The following IPO4 variants were observed in gnomAD, a reference collection of about 807,000 sequenced individuals.
The protein encoded by IPO4 is importin-4.
IPO4 carries 91 observed loss-of-function variants against 133.5 expected under a neutral mutation model. That is an observed-to-expected ratio of 0.68 (90% confidence interval 0.58 to 0.81). The LOEUF (loss-of-function observed/expected upper bound fraction) is 0.81, where lower values mean the gene tolerates loss of function less well. Ranked by LOEUF, IPO4 falls within the 30% of genes least tolerant of loss-of-function variation. The pLI is 0.00. For missense variants in IPO4, 1,279 were observed against 1,386.2 expected (o/e 0.92, Z 1.23); for synonymous variants, 607 against 581.6 (o/e 1.04, Z -0.63).
chr14:24,180,747 C>G lies in IPO4; in HGVS notation c.3057G>C (p.Val1019=), dbSNP rs1256478463. 1.2e-5 allele frequency: 19 copies of G among 1,613,818 alleles called. No individual in the cohort carries two copies. In the Admixed American group the frequency reaches 3.2e-4, roughly 27 times the overall value. Residue 1019 remains valine (V), a synonymous_variant, in exon 29 of 30, where the codon GTG becomes GTC. Coordinates refer to ENST00000354464, the MANE Select transcript of IPO4 (RefSeq NM_024658.4). ...TGCAGATACGCAGAAGCTCGGGAGC[C>G]ACATCTATAACCTGTGAGGAAAGAG... The part of the protein sequence containing the change: ...YQSSPDQVID[V]APELLRICSL...
intron 16 of IPO4, 45 bp from the exon 17 acceptor site, chr14:24,184,463 C>T (rs2039188921): frequency 6.3e-7 from 1 of 1,583,984 alleles, no homozygotes; most frequent in South Asian, 1.1e-5. Context: ...TGGAGGTGGG[C>T]TACGGGACCA....
At chr14:24,187,059 C>T in intron 7 of IPO4, 26 bp downstream of exon 7, 1 of 1,613,374 alleles carries the variant, frequency 6.2e-7, no homozygotes, top group Non-Finnish European at 8.5e-7. Flanking sequence ...CTCCTTCCAA[C>T]AGAGCTCCTG....
chr14:24,186,479 C>T (rs375575506), intron 9 of IPO4, 28 bp from the exon 10 acceptor site: 5 of 1,542,368 alleles, frequency 3.2e-6, no homozygotes, highest in Middle Eastern at 1.7e-4. Context: ...AACAGTGTCC[C>T]TAAGAATCTG....
chr14:24,188,020 C>T (rs2295977), intron 4 of IPO4, 196 bp downstream of exon 4: 239,351 of 767,480 alleles, frequency 0.31, 38,835 homozygotes, highest in East Asian at 0.46. Context: ...CAGTCTTATT[C>T]TTCTGACTTG....
chr14:24,182,539 TGTTTC>T, intron 24 of IPO4, 136 bp from the exon 25 acceptor site: 1 of 1,281,614 alleles, frequency 7.8e-7, no homozygotes, highest in Non-Finnish European at 1.1e-6. Context: ...TCAAGCTGGG[TGTTTC>T]CATGACCCAG....
chr14:24,185,849 G>A lies in IPO4; in HGVS notation c.1169+12C>T, dbSNP rs766866415. 24 of 1,602,508 alleles carry A rather than the reference G, an allele frequency of 1.5e-5. 1 individual carries two copies. In the South Asian group the frequency reaches 2.3e-4, roughly 15 times the overall value. On this transcript the variant is annotated intron_variant, in intron 12 of 29. Coordinates refer to ENST00000354464, the MANE Select transcript of IPO4 (RefSeq NM_024658.4). Reference sequence around the variant, plus strand: ...GTGGGCAACCCTCACCCTGGGACAGGGGAATACATACCTCTGCCTGATGTG... The same window carrying A: ...GTGGGCAACCCTCACCCTGGGACAGAGGAATACATACCTCTGCCTGATGTG...
Position 24,183,779 on chromosome 14 carries a change from G to T in IPO4, c.1985+4C>A. ...TTCCTGATCAGAAGAGCACCCCTCC[G>T]CACCCTGAGATCTCTGAGTCATCCT... On this transcript the variant is annotated splice_donor_region_variant and intron_variant, in intron 19 of 29. Coordinates refer to ENST00000354464, the MANE Select transcript of IPO4 (RefSeq NM_024658.4). The T allele has an allele frequency of 6.2e-7, 1 of 1,614,098 alleles. No homozygotes were observed. Among genetic ancestry groups the T allele is most frequent in the Non-Finnish European group, 8.5e-7 (1 of 1,180,026 alleles).
At position 24,183,150 on chromosome 14, in the gene IPO4, G is replaced by A; in HGVS notation, c.2247C>T (p.Ala749=). 6.2e-7 allele frequency: 1 copy of A among 1,612,854 alleles called. No individual in the cohort carries two copies. The highest frequency in any genetic ancestry group is 8.5e-7 in the Non-Finnish European group (1 of 1,179,214). The change falls in exon 23 of 30, where the codon GCC becomes GCT. Residue 749 remains alanine (A), a synonymous_variant. Coordinates refer to ENST00000354464, the MANE Select transcript of IPO4 (RefSeq NM_024658.4). The part of the protein sequence containing the change: ...PNTAALQAAL[A]RVVPSYMQAV... Reference sequence around the variant, plus strand: ...CCTGCATGTAGGATGGCACGACTCGGGCCAGGGCAGCCTGCAAAGCTGGGG... The same window carrying A: ...CCTGCATGTAGGATGGCACGACTCGAGCCAGGGCAGCCTGCAAAGCTGGGG...
chr14:24,187,196 C>T (rs768990367), intron 6 of IPO4, 46 bp from the exon 7 acceptor site: 3 of 1,594,736 alleles, frequency 1.9e-6, no homozygotes, highest in South Asian at 2.2e-5. Flanking sequence ...AATCTCACAC[C>T]CCAGCAGCTG....
rs2039239785 is a variant in IPO4 at position 24,187,425 on chromosome 14, G to A, written c.563C>T (p.Ala188Val). Residue 188 changes from alanine (A) to valine (V), a missense_variant, in exon 6 of 30, where the codon GCT becomes GTT. Coordinates refer to ENST00000354464, the MANE Select transcript of IPO4 (RefSeq NM_024658.4). ...FYSLRTLTTM[A>V]PYLSTEDVPL... is the part of the protein sequence containing the mutation. ...CACATCTTCAGTGCTGAGGTAGGGA[G>A]CCATGGTGGTCAGAGTGCGCAGGGA... The A allele has an allele frequency of 3.7e-6, 6 of 1,614,068 alleles. No homozygotes were observed. The highest frequency in any genetic ancestry group is 5.1e-6 in the Non-Finnish European group (6 of 1,180,042).
chr14:24,180,542 G>T lies in IPO4; in HGVS notation c.3146C>A (p.Thr1049Lys). 6.2e-7 allele frequency: 1 copy of T among 1,614,138 alleles called. No individual in the cohort carries two copies. Among genetic ancestry groups the T allele is most frequent in the Non-Finnish European group, 8.5e-7 (1 of 1,179,994 alleles). Residue 1049 changes from threonine (T) to lysine (K), a missense_variant, in exon 30 of 30, where the codon ACG becomes AAG. This residue lies in a region of IPO4 where 575 missense variants were observed against 653.4 expected (regional missense o/e 0.88). Coordinates refer to ENST00000354464, the MANE Select transcript of IPO4 (RefSeq NM_024658.4). ...DTKAALLLLL[T>K]FLAKQHTDSF... The stretch of plus-strand genomic sequence containing the variant: ...GTCGGTGTGCTGTTTGGCCAGGAAC[G>T]TCAGGAGCAGCAACAGTGCGGCCTT...
chr14:24,187,032 C>A, intron 7 of IPO4, 53 bp from the exon 8 acceptor site: 2 of 1,612,052 alleles, frequency 1.2e-6, no homozygotes, highest in Non-Finnish European at 1.7e-6. Context: ...GTGGGCCAAA[C>A]TGGACACTTC....
In IPO4 at chr14:24,184,328, T is replaced by G; in HGVS notation, c.1727A>C (p.Gln576Pro). ...GCGCCGCAAGTCAGGGTCGTCTACC[T>G]GGTCGCAGAGGCCCAGACCCAGCTG... ...CCQLGLGLCDQVDDPDLRRCT... is the reference protein window; with the variant it reads ...CCQLGLGLCDPVDDPDLRRCT... The change falls in exon 17 of 30, where the codon CAG becomes CCG. Residue 576 changes from glutamine (Q) to proline (P), a missense_variant. Transcript: ENST00000354464. 6.3e-7 allele frequency: 1 copy of G among 1,589,294 alleles called. No homozygotes were observed. The highest frequency in any genetic ancestry group is 8.6e-7 in the Non-Finnish European group (1 of 1,168,022).
chr14:24,180,482 T>A lies in IPO4; in HGVS notation c.3206A>T (p.Asp1069Val), dbSNP rs751360714. The change falls in exon 30 of 30, where the codon GAC (aspartate) becomes GTC (valine). Residue 1069 changes from aspartate (D) to valine (V), a missense_variant. Coordinates refer to ENST00000354464, the MANE Select transcript of IPO4 (RefSeq NM_024658.4). Reference protein sequence around the residue: ...FQAALGSLPVDKAQELQAVLG... With the variant: ...FQAALGSLPVVKAQELQAVLG... ...TACAGCCTGGAGCTCCTGAGCCTTG[T>A]CAACAGGCAGTGAGCCCAGAGCTGC... is the stretch of plus-strand genomic sequence containing the variant. The A allele has an allele frequency of 6.2e-7, 1 of 1,613,744 alleles. No individual in the cohort carries two copies. The highest frequency in any genetic ancestry group is 1.7e-5 in the Admixed American group (1 of 59,986).
intron 14 of IPO4, 22 bp from the exon 15 acceptor site, chr14:24,185,002 T>C: frequency 6.2e-7 from 1 of 1,610,210 alleles, no homozygotes; most frequent in Non-Finnish European, 8.5e-7. Flanking sequence ...GATGCTCCTC[T>C]ACCAACCAAC....
In IPO4 at chr14:24,184,390, C is replaced by G. The variant is rs759482279; in HGVS notation, c.1665G>C (p.Val555=). Residue 555 remains valine (V), a synonymous_variant, in exon 17 of 30, where the codon GTG becomes GTC. Transcript: ENST00000354464. ...LETLGVLARA[V]GEPMRPLAEE... ...CAGCCAGCGGCCTCATGGGCTCCCCCACTGCTCGTGCCAGCACCCCCAGTG... is the reference window on the plus strand; with the variant it reads ...CAGCCAGCGGCCTCATGGGCTCCCCGACTGCTCGTGCCAGCACCCCCAGTG... 3 of 1,609,276 alleles carry G rather than the reference C, an allele frequency of 1.9e-6. No homozygotes were observed. In the African/African-American group the frequency reaches 4.0e-5, roughly 21 times the overall value.
Position 24,181,976 on chromosome 14 carries a change from T to C in IPO4, c.2786A>G (p.His929Arg). The C allele has an allele frequency of 1.2e-6, 2 of 1,611,770 alleles. No individual in the cohort carries two copies. The highest frequency in any genetic ancestry group is 1.7e-6 in the Non-Finnish European group (2 of 1,179,990). ...AIFGMGVLAE[H>R]GGHPAQEHFP... ...ATACTCCTGGGCAGGGTGGCCCCCA[T>C]GCTCTGCCAGCACGCCCATCCCGAA... The change falls in exon 26 of 30, where the codon CAT (histidine) becomes CGT (arginine). Residue 929 changes from histidine to arginine, a missense_variant. By Grantham distance (29) the His-to-Arg change is conservative. Coordinates refer to ENST00000354464, the MANE Select transcript of IPO4 (RefSeq NM_024658.4).
chr14:24,187,559 A>C lies in IPO4; in HGVS notation c.429T>G (p.Ser143Arg). Residue 143 changes from serine to arginine, a missense_variant, in exon 6 of 30, where the codon AGT becomes AGG. Around this residue, in one of 3 missense-constraint regions of IPO4, gnomAD observed 695 missense variants for 704.1 expected, o/e 0.99. Coordinates refer to ENST00000354464, the MANE Select transcript of IPO4 (RefSeq NM_024658.4). ...CCTCGGGCCGGGAGGTCACCACCAC[A>C]CTTAGCAGCAAAAGCCCCATCTGTC... The part of the protein sequence containing the change: ...PEREMGLLLL[S>R]VVVTSRPEAF... The C allele has an allele frequency of 6.2e-7, 1 of 1,614,172 alleles. No homozygotes were observed. Among genetic ancestry groups the C allele is most frequent in the Non-Finnish European group, 8.5e-7 (1 of 1,180,032 alleles).
At chr14:24,187,275 C>T in intron 6 of IPO4, 125 bp from the exon 7 acceptor site, 1 of 1,455,052 alleles carries the variant, frequency 6.9e-7, no homozygotes, top group Non-Finnish European at 9.6e-7. Context: ...CTACAGCATC[C>T]CCTCTCAATT....
Sources: gnomAD v4.1 joint callset for allele counts on GRCh38, gnomAD v4.1.1 for gene constraint, gnomAD v4.1.1 regional missense constraint, MANE v1.5 for transcripts, NCBI Gene and HGNC (gene_info 2026-07-23, HGNC 2026-07-21) for gene names.